Variants in OR8U3 observed in about 807,000 individuals in gnomAD.
OR8U3 encodes olfactory receptor 8U3.
For missense variants in OR8U3, 429 were observed against 388.6 expected (o/e 1.10, Z -0.88); for synonymous variants, 170 against 147.0 (o/e 1.16, Z -1.13).
chr11:56,418,125 CA>C lies in OR8U3; in HGVS notation c.107del (p.Leu36ArgfsTer10). ...PCFGVFLVIYLVTVLGNLGLI... is the reference protein window; with the variant it reads ...PCFGVFLVIYXVTVLGNLGLI... The stretch of plus-strand genomic sequence containing the variant: ...ACCCAAGATTGCCCAGCACTGTGAC[CA>C]GATAGATAACTAAAAACACCCCAAA... On this transcript the variant is annotated frameshift_variant, in exon 1 of 1. Coordinates refer to ENST00000623286, the MANE Select transcript of OR8U3 (RefSeq NM_001004744.1). LOFTEE classifies it low-confidence loss of function (END_TRUNC). 1 of 1,613,828 alleles carries C rather than the reference CA, an allele frequency of 6.2e-7. No individual in the cohort carries two copies. Among genetic ancestry groups the C allele is most frequent in the Non-Finnish European group, 8.5e-7 (1 of 1,179,876 alleles).
rs1424835547 is a variant in OR8U3 at position 56,417,577 on chromosome 11, A to G, written c.656T>C (p.Ile219Thr). ...CCTTAGGATAGCGGCAATAATAAAG[A>G]TGTAGGAGGTGAGGACAATGGAAGA... is the stretch of plus-strand genomic sequence containing the variant. ...SSSSIVLTSY[I>T]FIIAAILRIR... The change falls in exon 1 of 1, where the codon ATC becomes ACC. Residue 219 changes from isoleucine to threonine, a missense_variant. By Grantham distance (89) the Ile-to-Thr change is moderately conservative. Transcript: ENST00000623286. 6 of 1,613,792 alleles carry G rather than the reference A, an allele frequency of 3.7e-6. No homozygotes were observed. The African/African-American group carries it at 5.3e-5, about 14-fold the overall frequency.
chr11:56,417,682 A>T lies in OR8U3; in HGVS notation c.551T>A (p.Phe184Tyr). Residue 184 changes from phenylalanine (F) to tyrosine (Y), a missense_variant, in exon 1 of 1, where the codon TTC becomes TAC. Physicochemically the swap from Phe to Tyr is conservative, Grantham distance 22. Coordinates refer to ENST00000623286, the MANE Select transcript of OR8U3 (RefSeq NM_001004744.1). ...INHFYCDDLP[F>Y]LALSCSDTHM... ...TGTGTCTGAGCAGGACAGAGCTAAG[A>T]AGGGGAGGTCATCACAATAGAAATG... The T allele has an allele frequency of 1.2e-6, 2 of 1,613,880 alleles. No homozygotes were observed. The highest frequency in any genetic ancestry group is 1.7e-6 in the Non-Finnish European group (2 of 1,179,848).
chr11:56,417,618 A>G lies in OR8U3; in HGVS notation c.615T>C (p.Phe205=). The G allele has an allele frequency of 1.9e-6, 3 of 1,614,048 alleles. No individual in the cohort carries two copies. The highest frequency in any genetic ancestry group is 8.5e-7 in the Non-Finnish European group (1 of 1,179,974). The change falls in exon 1 of 1, where the codon TTT becomes TTC. Residue 205 remains phenylalanine (F), a synonymous_variant. Transcript: ENST00000623286. ...KEILIFAFAG[F]DMISSSSIVL... is the part of the protein sequence containing the mutation. ...CAATGGAAGAGGAAGAGATCATATC[A>G]AAGCCAGCAAAGGCAAATATCAGAA...
At position 56,417,711 on chromosome 11, in the gene OR8U3, A is replaced by T. The variant is rs1853174393; in HGVS notation, c.522T>A (p.Ile174=). 1 of 1,613,972 alleles carries T rather than the reference A, an allele frequency of 6.2e-7. No homozygotes were observed. Among genetic ancestry groups the T allele is most frequent in the Non-Finnish European group, 8.5e-7 (1 of 1,179,918 alleles). ...FRLTYCGPNL[I]NHFYCDDLPF... ...GGAGGTCATCACAATAGAAATGGTTAATTAAGTTTGGGCCACAGTAAGTCA... is the reference window on the plus strand; with the variant it reads ...GGAGGTCATCACAATAGAAATGGTTTATTAAGTTTGGGCCACAGTAAGTCA... The change falls in exon 1 of 1, where the codon ATT becomes ATA. Residue 174 remains isoleucine (I), a synonymous_variant. Transcript: ENST00000623286.
At position 56,417,890 on chromosome 11, in the gene OR8U3, G is replaced by A; in HGVS notation, c.343C>T (p.Leu115=). The part of the protein sequence containing the change: ...LTFMITECFL[L]ASMAYDCYVA... The stretch of plus-strand genomic sequence containing the variant: ...TAGCAATCGTAGGCCATGGAGGCTA[G>A]AAGGAAACACTCAGTGATCATGAAG... Residue 115 remains leucine, a synonymous_variant, in exon 1 of 1, where the codon CTA becomes TTA. Coordinates refer to ENST00000623286, the MANE Select transcript of OR8U3 (RefSeq NM_001004744.1). 1.2e-6 allele frequency: 2 copies of A among 1,613,888 alleles called. No individual in the cohort carries two copies. Among genetic ancestry groups the A allele is most frequent in the Non-Finnish European group, 1.7e-6 (2 of 1,179,866 alleles).
chr11:56,418,048 A>C lies in OR8U3; in HGVS notation c.185T>G (p.Phe62Cys), dbSNP rs1853180041. The C allele has an allele frequency of 6.2e-7, 1 of 1,613,758 alleles. No homozygotes were observed. Among genetic ancestry groups the C allele is most frequent in the African/African-American group, 1.3e-5 (1 of 74,914 alleles). Residue 62 changes from phenylalanine (F) to cysteine (C), a missense_variant, in exon 1 of 1, where the codon TTC becomes TGC. Phe to Cys is a radical substitution (Grantham distance 205, BLOSUM62 -2). Coordinates refer to ENST00000623286, the MANE Select transcript of OR8U3 (RefSeq NM_001004744.1). ...DTRLHTPMYY[F>C]LSHLAFVDLC... ...GTCAACAAAGGCCAGGTGGCTGAGG[A>C]AATAGTACATAGGTGTGTGGAGTCG...
In OR8U3 at chr11:56,417,770, C is replaced by A. The variant is rs1853175414; in HGVS notation, c.463G>T (p.Val155Phe). 3 of 1,613,964 alleles carry A rather than the reference C, an allele frequency of 1.9e-6. No homozygotes were observed. The highest frequency in any genetic ancestry group is 1.7e-6 in the Non-Finnish European group (2 of 1,179,952). Residue 155 changes from valine (V) to phenylalanine (F), a missense_variant, in exon 1 of 1, where the codon GTT becomes TTT. By Grantham distance (50) the Val-to-Phe change is conservative. Coordinates refer to ENST00000623286, the MANE Select transcript of OR8U3 (RefSeq NM_001004744.1). Reference sequence around the variant, plus strand: ...GTGATAACGGTGTGGAAGAGGGCAACCAGGAAGCTGTATATATATGGAACT... The same window carrying A: ...GTGATAACGGTGTGGAAGAGGGCAAACAGGAAGCTGTATATATATGGAACT... ...VAVPYIYSFL[V>F]ALFHTVITFR...
rs1853180805 is a variant in OR8U3, at chr11:56,418,089, T to G, written c.144A>C (p.Leu48Phe). Reference protein sequence around the residue: ...TVLGNLGLITLIKIDTRLHTP... With the variant: ...TVLGNLGLITFIKIDTRLHTP... ...TGTGGAGTCGAGTATCAATCTTGAT[T>G]AAAGTAATCAACCCAAGATTGCCCA... Residue 48 changes from leucine (L) to phenylalanine (F), a missense_variant, in exon 1 of 1, where the codon TTA becomes TTC. Transcript: ENST00000623286. 2 of 1,613,878 alleles carry G rather than the reference T, an allele frequency of 1.2e-6. No individual in the cohort carries two copies. Among genetic ancestry groups the G allele is most frequent in the South Asian group, 2.2e-5 (2 of 91,076 alleles).
In OR8U3 at chr11:56,417,584, A is replaced by G. The variant is rs1341630095; in HGVS notation, c.649T>C (p.Ser217Pro). 1.9e-6 allele frequency: 3 copies of G among 1,613,912 alleles called. No homozygotes were observed. Among genetic ancestry groups the G allele is most frequent in the Non-Finnish European group, 2.5e-6 (3 of 1,179,834 alleles). The part of the protein sequence containing the change: ...MISSSSIVLT[S>P]YIFIIAAILR... ...ATAGCGGCAATAATAAAGATGTAGG[A>G]GGTGAGGACAATGGAAGAGGAAGAG... The change falls in exon 1 of 1, where the codon TCC becomes CCC. Residue 217 changes from serine (S) to proline (P), a missense_variant. Physicochemically the swap from Ser to Pro is moderately conservative, Grantham distance 74. Transcript: ENST00000623286.
chr11:56,417,707 G>A lies in OR8U3; in HGVS notation c.526C>T (p.His176Tyr). The A allele has an allele frequency of 6.2e-7, 1 of 1,613,846 alleles. No individual in the cohort carries two copies. The change falls in exon 1 of 1, where the codon CAT (histidine) becomes TAT (tyrosine). Residue 176 changes from histidine to tyrosine, a missense_variant. Transcript: ENST00000623286. ...AAGGGGAGGTCATCACAATAGAAATGGTTAATTAAGTTTGGGCCACAGTAA... is the reference window on the plus strand; with the variant it reads ...AAGGGGAGGTCATCACAATAGAAATAGTTAATTAAGTTTGGGCCACAGTAA... ...LTYCGPNLIN[H>Y]FYCDDLPFLA...
chr11:56,417,873 G>A lies in OR8U3; in HGVS notation c.360C>T (p.Tyr120=), dbSNP rs750065461. ...GACTACAGATGGCGACATAGCAATC[G>A]TAGGCCATGGAGGCTAGAAGGAAAC... The part of the protein sequence containing the change: ...TECFLLASMA[Y]DCYVAICSPL... Residue 120 remains tyrosine, a synonymous_variant, in exon 1 of 1, where the codon TAC becomes TAT. Coordinates refer to ENST00000623286, the MANE Select transcript of OR8U3 (RefSeq NM_001004744.1). 2.0e-5 allele frequency: 33 copies of A among 1,613,672 alleles called. No individual in the cohort carries two copies. Among genetic ancestry groups the A allele is most frequent in the Admixed American group, 1.0e-4 (6 of 59,936 alleles).
chr11:56,417,868 C>T lies in OR8U3; in HGVS notation c.365G>A (p.Cys122Tyr), dbSNP rs200800876. The change falls in exon 1 of 1, where the codon TGC becomes TAC. Residue 122 changes from cysteine (C) to tyrosine (Y), a missense_variant. By Grantham distance (194) the Cys-to-Tyr change is radical. Transcript: ENST00000623286. ...CFLLASMAYD[C>Y]YVAICSPLHY... ...CAGGGGACTACAGATGGCGACATAGCAATCGTAGGCCATGGAGGCTAGAAG... is the reference window on the plus strand; with the variant it reads ...CAGGGGACTACAGATGGCGACATAGTAATCGTAGGCCATGGAGGCTAGAAG... 1.9e-4 allele frequency: 314 copies of T among 1,613,812 alleles called. 1 individual carries two copies. The highest frequency in any genetic ancestry group is 2.7e-4 in the African/African-American group (20 of 74,986).
rs1315063103 is a variant in OR8U3 at position 56,417,465 on chromosome 11, G to T, written c.768C>A (p.Ile256=). Residue 256 remains isoleucine (I), a synonymous_variant, in exon 1 of 1, where the codon ATC becomes ATA. Coordinates refer to ENST00000623286, the MANE Select transcript of OR8U3 (RefSeq NM_001004744.1). ...VTVTIFYGTL[I]FMYLQPKSNH... is the part of the protein sequence containing the mutation. ...TTGATTTGGGCTGTAGGTACATAAA[G>T]ATCAGTGTGCCATAGAAAATAGTGA... is the stretch of plus-strand genomic sequence containing the variant. The T allele has an allele frequency of 7.4e-6, 12 of 1,613,664 alleles. No individual in the cohort carries two copies.
rs765771548 is a variant in OR8U3, at chr11:56,418,069, A to G, written c.164T>C (p.Leu55Pro). ...GAGGAAATAGTACATAGGTGTGTGG[A>G]GTCGAGTATCAATCTTGATTAAAGT... is the stretch of plus-strand genomic sequence containing the variant. ...LITLIKIDTR[L>P]HTPMYYFLSH... The change falls in exon 1 of 1, where the codon CTC (leucine) becomes CCC (proline). Residue 55 changes from leucine (L) to proline (P), a missense_variant. Transcript: ENST00000623286. 4 of 1,613,862 alleles carry G rather than the reference A, an allele frequency of 2.5e-6. No homozygotes were observed. In the South Asian group the frequency reaches 3.3e-5, roughly 13 times the overall value.
In OR8U3 at chr11:56,418,210, T is replaced by A. The variant is rs1396188255; in HGVS notation, c.23A>T (p.Tyr8Phe). 26 of 1,591,472 alleles carry A rather than the reference T, an allele frequency of 1.6e-5. No individual in the cohort carries two copies. The highest frequency in any genetic ancestry group is 2.2e-5 in the Non-Finnish European group (26 of 1,171,706). ...TCCTTTCAGAATGAATACAGTGACA[T>A]AAATGATATTAACTTCAGCCATTTA... MAEVNIIYVTVFILKGIT... is the reference protein window; with the variant it reads MAEVNIIFVTVFILKGIT... The change falls in exon 1 of 1, where the codon TAT (tyrosine) becomes TTT (phenylalanine). Residue 8 changes from tyrosine to phenylalanine, a missense_variant. Physicochemically the swap from Tyr to Phe is conservative, Grantham distance 22. Transcript: ENST00000623286.
Position 56,418,186 on chromosome 11 carries a change from C to A in OR8U3, c.47G>T (p.Gly16Val). Residue 16 changes from glycine to valine, a missense_variant, in exon 1 of 1, where the codon GGA (glycine) becomes GTA (valine). Transcript: ENST00000623286. ...CTGAAGCTCTGGCCGGTTGGTAATT[C>A]CTTTCAGAATGAATACAGTGACATA... ...IIYVTVFILK[G>V]ITNRPELQAP... 1 of 1,610,934 alleles carries A rather than the reference C, an allele frequency of 6.2e-7. No homozygotes were observed.
Position 56,418,151 on chromosome 11 carries a change from AG to A in OR8U3, c.81del (p.Phe28LeufsTer5), listed in dbSNP as rs756770545. ...ITNRPELQAP[C>X]FGVFLVIYLV... ...AGATAGATAACTAAAAACACCCCAAAGCACGGGGCCTGAAGCTCTGGCCGGT... is the reference window on the plus strand; with the variant it reads ...AGATAGATAACTAAAAACACCCCAAACACGGGGCCTGAAGCTCTGGCCGGT... On this transcript the variant is annotated frameshift_variant, in exon 1 of 1. Transcript: ENST00000623286. LOFTEE classifies it low-confidence loss of function (END_TRUNC). The A allele has an allele frequency of 1.2e-6, 2 of 1,613,874 alleles. No homozygotes were observed. The highest frequency in any genetic ancestry group is 1.3e-5 in the African/African-American group (1 of 75,024).
Position 56,418,135 on chromosome 11 carries a change from A to G in OR8U3, c.98T>C (p.Val33Ala). Reference sequence around the variant, plus strand: ...GCCCAGCACTGTGACCAGATAGATAACTAAAAACACCCCAAAGCACGGGGC... The same window carrying G: ...GCCCAGCACTGTGACCAGATAGATAGCTAAAAACACCCCAAAGCACGGGGC... ...LQAPCFGVFLVIYLVTVLGNL... is the reference protein window; with the variant it reads ...LQAPCFGVFLAIYLVTVLGNL... Residue 33 changes from valine to alanine, a missense_variant, in exon 1 of 1, where the codon GTT (valine) becomes GCT (alanine). Transcript: ENST00000623286. 6.2e-7 allele frequency: 1 copy of G among 1,613,904 alleles called. No individual in the cohort carries two copies. Among genetic ancestry groups the G allele is most frequent in the South Asian group, 1.1e-5 (1 of 91,064 alleles).
Position 56,417,885 on chromosome 11 carries a change from G to A in OR8U3, c.348C>T (p.Ala116=). The A allele has an allele frequency of 6.2e-7, 1 of 1,613,852 alleles. No individual in the cohort carries two copies. Among genetic ancestry groups the A allele is most frequent in the Non-Finnish European group, 8.5e-7 (1 of 1,179,874 alleles). The change falls in exon 1 of 1, where the codon GCC becomes GCT. Residue 116 remains alanine (A), a synonymous_variant. Transcript: ENST00000623286. ...CGACATAGCAATCGTAGGCCATGGA[G>A]GCTAGAAGGAAACACTCAGTGATCA... ...TFMITECFLL[A]SMAYDCYVAI... is the part of the protein sequence containing the mutation.
Sources: allele counts gnomAD v4.1 joint callset, GRCh38; gene constraint gnomAD v4.1.1; transcripts MANE v1.5; gene names NCBI Gene and HGNC (gene_info 2026-07-23, HGNC 2026-07-21).